Variants in CHRM3 observed in about 807,000 individuals in gnomAD.
CHRM3 encodes muscarinic acetylcholine receptor M3.
Under a neutral mutation model 41.8 loss-of-function variants are expected in CHRM3, and 11 were observed. That is an observed-to-expected ratio of 0.26 (90% confidence interval 0.17 to 0.44). CHRM3 has a LOEUF of 0.44. Among genes scored for constraint, CHRM3 ranks in the 20% least tolerant of loss-of-function variants. The probability of loss-of-function intolerance (pLI) is 1.00; values close to 1 mark genes in which losing one functional copy is unlikely to be tolerated. For missense variants in CHRM3, 571 were observed against 745.4 expected (o/e 0.77, Z 2.72); for synonymous variants, 297 against 301.4 (o/e 0.99, Z 0.15).
At chr1:239,809,631 G>T (rs1553272961) in intron 5 of CHRM3, among the ~76,000 whole-genome samples, 1 of 152,070 alleles carries the variant, frequency 6.6e-6, no homozygotes, top group Non-Finnish European at 1.5e-5. Flanking sequence ...CCAAGTAGCT[G>T]GGACTACAGG....
At chr1:239,448,649 A>G (rs1218743054) in intron 1 of CHRM3, among the ~76,000 whole-genome samples, 1 of 152,202 alleles carries the variant, frequency 6.6e-6, no homozygotes, top group Non-Finnish European at 1.5e-5. Context: ...ATAAACATTT[A>G]AAATGATATA....
At chr1:239,818,251 C>T (rs1332366336) in intron 5 of CHRM3, among the ~76,000 whole-genome samples, 3 of 152,174 alleles carry the variant, frequency 2.0e-5, no homozygotes, top group Non-Finnish European at 2.9e-5. Flanking sequence ...TTTACAAAAA[C>T]ACCCATCCTA....
intron 2 of CHRM3, among the ~76,000 whole-genome samples, chr1:239,539,652 C>A (rs549885703): frequency 1.2e-4 from 19 of 152,100 alleles, no homozygotes; most frequent in Non-Finnish European, 2.6e-4. Context: ...TGTTTTGAGA[C>A]AAGATCTCAC....
intron 1 of CHRM3, among the ~76,000 whole-genome samples, chr1:239,475,895 T>C (rs1281663309): frequency 2.6e-5 from 4 of 152,132 alleles, no homozygotes; most frequent in African/African-American, 4.8e-5. Context: ...ATGGAGTGGA[T>C]GGTGTGGATT....
chr1:239,531,542 G>A (rs2148330720), intron 2 of CHRM3, among the ~76,000 whole-genome samples: 1 of 147,048 alleles, frequency 6.8e-6, no homozygotes, highest in Admixed American at 6.8e-5. Flanking sequence ...TTAAAAAGGA[G>A]TTATGAATTA....
At chr1:239,738,771 G>T (rs933993299) in intron 5 of CHRM3, among the ~76,000 whole-genome samples, 1 of 152,280 alleles carries the variant, frequency 6.6e-6, no homozygotes, top group African/African-American at 2.4e-5. Flanking sequence ...AAGAGGGCTT[G>T]TAGAGTGTAT....
intron 1 of CHRM3, among the ~76,000 whole-genome samples, chr1:239,429,398 A>G (rs1662646432): frequency 6.6e-6 from 1 of 152,190 alleles, no homozygotes; most frequent in Non-Finnish European, 1.5e-5. Context: ...GTAAGGTGAT[A>G]ATACATGATT....
At chr1:239,782,055 A>G (rs613188) in intron 5 of CHRM3, among the ~76,000 whole-genome samples, 130,457 of 152,070 alleles carry the variant, frequency 0.86, 56,203 homozygotes, top group African/African-American at 0.9. Context: ...GTTCTTAAGC[A>G]ATACTGGTCT....
chr1:239,669,229 A>G (rs1674118552), intron 4 of CHRM3, among the ~76,000 whole-genome samples: 1 of 152,166 alleles, frequency 6.6e-6, no homozygotes, highest in Non-Finnish European at 1.5e-5. Context: ...TAGGGTAAAA[A>G]TAATTAAGTC....
chr1:239,509,015 C>T (rs1668756322), intron 2 of CHRM3, among the ~76,000 whole-genome samples: 1 of 152,180 alleles, frequency 6.6e-6, no homozygotes, highest in South Asian at 2.1e-4. Flanking sequence ...AAGACTAGGT[C>T]TGTGCCTCAT....
At chr1:239,463,851 C>T (rs917384991) in intron 1 of CHRM3, among the ~76,000 whole-genome samples, 6 of 152,106 alleles carry the variant, frequency 3.9e-5, no homozygotes, top group South Asian at 2.1e-4. Context: ...TTTTTCTCCC[C>T]GCCAGCTCCT....
chr1:239,736,921 T>C (rs1664442041), intron 5 of CHRM3, among the ~76,000 whole-genome samples: 1 of 152,194 alleles, frequency 6.6e-6, no homozygotes, highest in Admixed American at 6.6e-5. Flanking sequence ...AGTTCAGTCT[T>C]GCTGAAAATG....
chr1:239,654,250 C>A (rs937147389), intron 4 of CHRM3, among the ~76,000 whole-genome samples: 3 of 151,954 alleles, frequency 2.0e-5, no homozygotes, highest in Non-Finnish European at 4.4e-5. Flanking sequence ...ATTACAGGTG[C>A]GAGCCACTGT....
chr1:239,494,913 T>C (rs1428395449), intron 2 of CHRM3, among the ~76,000 whole-genome samples: 1 of 152,168 alleles, frequency 6.6e-6, no homozygotes, highest in Non-Finnish European at 1.5e-5. Context: ...TTCCATGGTG[T>C]ATATACTTCA....
Position 239,788,028 on chromosome 1 carries a change from C to T in CHRM3, c.-146-39224C>T, listed in dbSNP as rs142344756. On this transcript the variant is annotated intron_variant, in intron 5 of 6. Transcript: ENST00000676153. ...CAAGGCAGGAGGATTGTTTGAGGCT[C>T]GGAAAAGACTAGCCTGGGCAACATA... 5.2e-3 allele frequency among the ~76,000 whole-genome samples: 794 copies of T among 152,086 alleles called. 29 individuals carry two copies. The South Asian group carries it at 0.094, about 18-fold the overall frequency.
chr1:239,907,928 T>C lies in CHRM3; in HGVS notation c.477T>C (p.Leu159=). The C allele has an allele frequency of 1.2e-6, 2 of 1,614,220 alleles. No individual in the cohort carries two copies. Among genetic ancestry groups the C allele is most frequent in the Middle Eastern group, 1.6e-4 (1 of 6,062 alleles). ...CCAGCAATGCCTCTGTTATGAATCTTCTGGTCATCAGCTTTGACAGATACT... is the reference window on the plus strand; with the variant it reads ...CCAGCAATGCCTCTGTTATGAATCTCCTGGTCATCAGCTTTGACAGATACT... ...YVASNASVMN[L]LVISFDRYFS... is the part of the protein sequence containing the mutation. Residue 159 remains leucine, a synonymous_variant, in exon 7 of 7, where the codon CTT becomes CTC. Transcript: ENST00000676153. This position sits in a 1 kb window ranked among gnomAD's most constrained non-coding sequence, Gnocchi z 5.4.
chr1:239,835,681 A>G (rs1673254903), intron 6 of CHRM3, among the ~76,000 whole-genome samples: 1 of 152,334 alleles, frequency 6.6e-6, no homozygotes, highest in East Asian at 1.9e-4. Context: ...CGAATAGTTT[A>G]GAATAGAAGA....
chr1:239,405,516 G>T (rs1387348711), intron 1 of CHRM3, among the ~76,000 whole-genome samples: 2 of 152,038 alleles, frequency 1.3e-5, no homozygotes, highest in Non-Finnish European at 2.9e-5. Flanking sequence ...GGGTGTAGTA[G>T]GACAGTTTGG....
chr1:239,872,301 C>G (rs75091185), intron 6 of CHRM3, among the ~76,000 whole-genome samples: 4,360 of 152,304 alleles, frequency 0.029, 225 homozygotes, highest in African/African-American at 0.099. Flanking sequence ...TAGTTTTCAT[C>G]TCTATAAAAT....
Sources: gnomAD v4.1 joint callset for allele counts (sites outside exome capture counted in the v4.1 genomes callset) on GRCh38, gnomAD v4.1.1 for gene constraint, Gnocchi (gnomAD v3.1) non-coding constraint, MANE v1.5 for transcripts, NCBI Gene and HGNC (gene_info 2026-07-23, HGNC 2026-07-21) for gene names.